CTRC: variants seen among roughly 807,000 people sequenced by gnomAD.
The protein encoded by CTRC is chymotrypsin-C.
CTRC carries 32 observed loss-of-function variants against 35.7 expected under a neutral mutation model. The observed-to-expected ratio is 0.90, with a 90% CI of 0.68 to 1.20. CTRC has a LOEUF of 1.20. Ranked by LOEUF, CTRC falls within the 50% of genes most tolerant of loss-of-function variation. CTRC has a pLI of 0.00. For missense variants in CTRC, 324 were observed against 361.5 expected, an observed-to-expected ratio of 0.90 and a Z score of 0.84; for synonymous variants, 119 against 149.5, an observed-to-expected ratio of 0.80 and a Z score of 1.49.
chr1:15,440,866 G>A (rs543231748), intron 3 of CTRC, among the ~76,000 whole-genome samples: 1 of 152,308 alleles, frequency 6.6e-6, no homozygotes, highest in South Asian at 2.1e-4. Context: ...AGCATCTCAG[G>A]TGATTTAAAA....
chr1:15,439,423 CAAA>C (rs35524971), intron 1 of CTRC, among the ~76,000 whole-genome samples: 19 of 110,910 alleles, frequency 1.7e-4, no homozygotes, highest in Admixed American at 7.4e-4. Flanking sequence ...AACTCCGTCT[CAAA>C]AAAAAAAAAA....
intron 6 of CTRC, 42 bp from the exon 7 acceptor site, chr1:15,445,555 G>T (rs199897030): frequency 1.6e-4 from 255 of 1,564,582 alleles, no homozygotes; most frequent in Non-Finnish European, 2.1e-4. Flanking sequence ...GACTTCCTCT[G>T]GGGGGGGGCC....
chr1:15,438,642 C>G (rs990515037), intron 1 of CTRC, 138 bp downstream of exon 1: 4 of 895,126 alleles, frequency 4.5e-6, no homozygotes, highest in Non-Finnish European at 5.4e-6. Flanking sequence ...CAGATGCTAC[C>G]AACCAGCTGT....
intron 1 of CTRC, among the ~76,000 whole-genome samples, chr1:15,439,441 A>G (rs990196366): frequency 2.0e-5 from 3 of 151,090 alleles, no homozygotes; most frequent in African/African-American, 7.3e-5. Flanking sequence ...AAAAAAAAAG[A>G]AAAAGAAAGA....
intron 1 of CTRC, among the ~76,000 whole-genome samples, chr1:15,439,511 C>A (rs773079602): frequency 2.0e-5 from 3 of 151,934 alleles, no homozygotes; most frequent in Admixed American, 6.6e-5. Context: ...AGGTTCCGTG[C>A]GACTTAGTAT....
intron 6 of CTRC, 50 bp downstream of exon 6, chr1:15,444,801 A>G (rs976105923): frequency 5.6e-6 from 9 of 1,612,640 alleles, no homozygotes; most frequent in African/African-American, 2.7e-5. Context: ...GGCCAAGTGG[A>G]TGTGGGCAAA....
Position 15,447,151 on chromosome 1 carries a change from C to G in CTRC, c.*562C>G, listed in dbSNP as rs1708234628. Reference sequence around the variant, plus strand: ...GAAGGGGCTCCCTAGCAGGGACCCCCCACCCCCACCCCGCAGCACAGACCC... The same window carrying G: ...GAAGGGGCTCCCTAGCAGGGACCCCGCACCCCCACCCCGCAGCACAGACCC... On this transcript the variant is annotated 3_prime_UTR_variant, in exon 8 of 8. Coordinates refer to ENST00000375949, the MANE Select transcript of CTRC (RefSeq NM_007272.3). 1 of 220,840 alleles carries G rather than the reference C, an allele frequency of 4.5e-6. No individual in the cohort carries two copies. The highest frequency in any genetic ancestry group is 2.3e-5 in the African/African-American group (1 of 43,432). 13.7% of individuals were successfully genotyped at this position (220,840 alleles called of 1,614,324 possible).
chr1:15,446,538 A>G (rs1255531772), intron 7 of CTRC, 37 bp from the exon 8 acceptor site: 4 of 1,613,422 alleles, frequency 2.5e-6, no homozygotes, highest in Non-Finnish European at 3.4e-6. Flanking sequence ...AAGGTGGCAC[A>G]GCCCTGAGTC....
intron 3 of CTRC, among the ~76,000 whole-genome samples, chr1:15,441,397 G>A (rs1195190958): frequency 6.6e-6 from 1 of 152,156 alleles, no homozygotes; most frequent in Admixed American, 6.5e-5. Flanking sequence ...GGAGGGAACA[G>A]CCATGCAAAG....
Position 15,440,286 on chromosome 1 carries a change from T to C in CTRC, c.41-14T>C. On this transcript the variant is annotated splice_polypyrimidine_tract_variant and intron_variant, in intron 1 of 7. Transcript: ENST00000375949. ...GCCCTATTCACTGGTTCTTCTGGCCTCCTGTCTCCCCAGCCTCCAGCTGTG... is the reference window on the plus strand; with the variant it reads ...GCCCTATTCACTGGTTCTTCTGGCCCCCTGTCTCCCCAGCCTCCAGCTGTG... 7.5e-7 allele frequency: 1 copy of C among 1,328,884 alleles called. No individual in the cohort carries two copies. Among genetic ancestry groups the C allele is most frequent in the Non-Finnish European group, 9.9e-7 (1 of 1,011,718 alleles). The allele number at this position is 1,328,884 out of a possible 1,614,324, so 82.3% of individuals were successfully genotyped here.
In CTRC at chr1:15,448,062, T is replaced by A. The variant is rs919559237; in HGVS notation, c.*1473T>A. On this transcript the variant is annotated 3_prime_UTR_variant, in exon 8 of 8. Transcript: ENST00000375949. ...GGAATCCAGGATGGCTTCCTGGAGG[T>A]GATGATGCCCAAGCTTGGTCTTAAA... 1 of 151,910 alleles carries A rather than the reference T, an allele frequency of 6.6e-6. No individual in the cohort carries two copies. The highest frequency in any genetic ancestry group is 2.4e-5 in the African/African-American group (1 of 41,320). The allele number at this position is 151,910 out of a possible 1,614,324, so 9.4% of individuals were successfully genotyped here. A position where few individuals can be genotyped will look rare whatever the true frequency, so the allele number is the denominator to read the frequency against.
chr1:15,446,450 G>A (rs1483159874), intron 7 of CTRC, 125 bp from the exon 8 acceptor site: 13 of 927,020 alleles, frequency 1.4e-5, no homozygotes, highest in Admixed American at 1.1e-4. Context: ...CAGGGACAAG[G>A]CTGGCATGTG....
Position 15,438,496 on chromosome 1 carries a change from T to A in CTRC, c.32T>A (p.Leu11Ter), listed in dbSNP as rs778090425. The part of the protein sequence containing the change: MLGITVLAAL[L>*]ACASSCGVPS... The stretch of plus-strand genomic sequence containing the variant: ...GGCATCACTGTCCTCGCTGCGCTCT[T>A]GGCCTGTGGTAAGCGGTGGGGTGGG... The change falls in exon 1 of 8, where the codon TTG becomes TAG. Residue 11 changes from leucine (L) to a stop codon, truncating the protein, a stop_gained. Coordinates refer to ENST00000375949, the MANE Select transcript of CTRC (RefSeq NM_007272.3). LOFTEE classifies it high-confidence loss of function. The A allele has an allele frequency of 6.2e-7, 1 of 1,614,020 alleles. No homozygotes were observed. Among genetic ancestry groups the A allele is most frequent in the South Asian group, 1.1e-5 (1 of 91,086 alleles).
Position 15,444,697 on chromosome 1 carries a change from G to A in CTRC, c.585G>A (p.Arg195=), listed in dbSNP as rs1408581495. ...TCSRIDWWGF[R]VKKTMVCAGG... The stretch of plus-strand genomic sequence containing the variant: ...CCAGGATTGACTGGTGGGGCTTCAG[G>A]GTGAAGAAAACCATGGTGTGCGCTG... Residue 195 remains arginine, a synonymous_variant, in exon 6 of 8, where the codon AGG becomes AGA. Transcript: ENST00000375949. The A allele has an allele frequency of 6.2e-7, 1 of 1,614,228 alleles. No individual in the cohort carries two copies. The highest frequency in any genetic ancestry group is 1.7e-5 in the Admixed American group (1 of 60,024).
At chr1:15,438,592 C>T in intron 1 of CTRC, 88 bp downstream of exon 1, 1 of 1,467,648 alleles carries the variant, frequency 6.8e-7, no homozygotes, top group Non-Finnish European at 9.5e-7. Flanking sequence ...GGGGGGGCCT[C>T]TGCTCTCCAG....
In CTRC at chr1:15,443,343, C is replaced by G. The variant is rs142729850; in HGVS notation, c.357-76C>G. The G allele has an allele frequency of 1.5e-4, 234 of 1,594,124 alleles. No individual in the cohort carries two copies. In the African/African-American group the frequency reaches 2.3e-3, roughly 16 times the overall value. On this transcript the variant is annotated intron_variant, in intron 4 of 7. Transcript: ENST00000375949. ...CACCCTGGGCCTGACTCCCAACTCACAGCCCGAGCCCCTTAGCCTGAGCTT... is the reference window on the plus strand; with the variant it reads ...CACCCTGGGCCTGACTCCCAACTCAGAGCCCGAGCCCCTTAGCCTGAGCTT...
At position 15,446,566 on chromosome 1, in the gene CTRC, C is replaced by A. The variant is rs1186473497; in HGVS notation, c.793-9C>A. The A allele has an allele frequency of 1.2e-6, 2 of 1,614,210 alleles. No homozygotes were observed. The highest frequency in any genetic ancestry group is 3.3e-5 in the Admixed American group (2 of 60,032). ...CCTGAGTCTCTCACACTGTTCTCTG[C>A]TCCTCCAGAAAATGCAGCTGTGATT... On this transcript the variant is annotated splice_polypyrimidine_tract_variant and intron_variant, in intron 7 of 7. Coordinates refer to ENST00000375949, the MANE Select transcript of CTRC (RefSeq NM_007272.3).
chr1:15,445,998 T>G (rs1293286755), intron 7 of CTRC, among the ~76,000 whole-genome samples: 1 of 117,616 alleles, frequency 8.5e-6, no homozygotes, highest in African/African-American at 4.1e-5. Context: ...ATTCACTCAT[T>G]CATGTATTCA....
intron 7 of CTRC, among the ~76,000 whole-genome samples, chr1:15,446,206 T>G (rs1481956852): frequency 6.6e-6 from 1 of 152,234 alleles, no homozygotes; most frequent in South Asian, 2.1e-4. Flanking sequence ...ATTCACTGCC[T>G]TCATCAAGCA....
Sources: gnomAD v4.1 joint callset for allele counts (sites outside exome capture counted in the v4.1 genomes callset) on GRCh38, gnomAD v4.1.1 for gene constraint, MANE v1.5 for transcripts, NCBI Gene and HGNC (gene_info 2026-07-23, HGNC 2026-07-21) for gene names.